The following OXCT1 variants were observed in gnomAD, a reference collection of about 807,000 sequenced individuals.
OXCT1 encodes the protein 3-oxoacid CoA-transferase 1, also known as succinyl-CoA:3-ketoacid coenzyme A transferase 1, mitochondrial.
Under a neutral mutation model 69.6 loss-of-function variants are expected in OXCT1, and 27 were observed. That is an observed-to-expected ratio of 0.39 (90% CI 0.29 to 0.54). The LOEUF (loss-of-function observed/expected upper bound fraction) is 0.54, where lower values mean the gene tolerates loss of function less well. OXCT1 is among the 20% of genes least tolerant of loss of function. The probability of loss-of-function intolerance (pLI) is 0.72; values close to 1 mark genes in which losing one functional copy is unlikely to be tolerated. For missense variants in OXCT1, 437 were observed against 650.2 expected (o/e 0.67, Z 3.57); for synonymous variants, 202 against 217.8 (o/e 0.93, Z 0.64).
intron 7 of OXCT1, among the ~76,000 whole-genome samples, chr5:41,835,478 C>T (rs1435352072): frequency 1.3e-5 from 2 of 152,196 alleles, no homozygotes; most frequent in Non-Finnish European, 2.9e-5. Flanking sequence ...CCATTAACCT[C>T]TAATTCTTAT....
chr5:41,813,911 CATTAGCTTTCTTTTATATGTACT>C (rs1430750692), intron 7 of OXCT1, among the ~76,000 whole-genome samples: 1 of 152,082 alleles, frequency 6.6e-6, no homozygotes, highest in Non-Finnish European at 1.5e-5. Context: ...TTCATCTGAT[CATTAGCTTTCTTTTATATGTACT>C]ATTAACTATA....
intron 9 of OXCT1, among the ~76,000 whole-genome samples, chr5:41,803,747 A>G (rs1162337926): frequency 1.3e-5 from 2 of 152,112 alleles, no homozygotes; most frequent in Non-Finnish European, 2.9e-5. Context: ...AGCAAATACA[A>G]TTGAGCTCAT....
intron 13 of OXCT1, among the ~76,000 whole-genome samples, chr5:41,792,248 G>C (rs1195766939): frequency 6.6e-6 from 1 of 152,126 alleles, no homozygotes; most frequent in Non-Finnish European, 1.5e-5. Context: ...TTTTACAGAT[G>C]AGGAAAAATA....
intron 13 of OXCT1, among the ~76,000 whole-genome samples, chr5:41,766,255 G>A (rs1298416967): frequency 1.3e-5 from 2 of 152,094 alleles, no homozygotes; most frequent in South Asian, 4.1e-4. Flanking sequence ...AATAAAATGA[G>A]CTAGCAATGC....
At chr5:41,822,405 G>T (rs955495163) in intron 7 of OXCT1, among the ~76,000 whole-genome samples, 2 of 152,086 alleles carry the variant, frequency 1.3e-5, no homozygotes, top group Non-Finnish European at 2.9e-5. Context: ...TTATGGACTA[G>T]CCCTCTTTAT....
chr5:41,838,752 G>C (rs1218089562), intron 7 of OXCT1, among the ~76,000 whole-genome samples: 2 of 151,972 alleles, frequency 1.3e-5, no homozygotes, highest in East Asian at 3.9e-4. Context: ...CAGCTCCTGG[G>C]TAGCTGGGAC....
intron 7 of OXCT1, among the ~76,000 whole-genome samples, chr5:41,840,238 A>G (rs1032745137): frequency 3.3e-5 from 5 of 152,172 alleles, no homozygotes; most frequent in Non-Finnish European, 2.9e-5. Flanking sequence ...TCCCAAAGAG[A>G]GCATTCTAGT....
chr5:41,781,353 TA>T (rs1033374987), intron 13 of OXCT1, among the ~76,000 whole-genome samples: 10 of 151,280 alleles, frequency 6.6e-5, no homozygotes, highest in African/African-American at 2.4e-4. Flanking sequence ...TTTTGTTGAA[TA>T]AAAGCTATGC....
intron 1 of OXCT1, among the ~76,000 whole-genome samples, chr5:41,866,384 G>C (rs1400669229): frequency 6.6e-6 from 1 of 152,164 alleles, no homozygotes; most frequent in African/African-American, 2.4e-5. Flanking sequence ...CACATGAGGT[G>C]ATATTTATTT....
chr5:41,821,505 T>C (rs1350100895), intron 7 of OXCT1, among the ~76,000 whole-genome samples: 2 of 152,076 alleles, frequency 1.3e-5, no homozygotes, highest in Non-Finnish European at 2.9e-5. Context: ...TTGGTAAGAG[T>C]TTGTTTATTT....
intron 12 of OXCT1, 22 bp from the exon 13 acceptor site, chr5:41,794,100 T>C (rs770814999): frequency 1.3e-6 from 2 of 1,576,932 alleles, no homozygotes; most frequent in Non-Finnish European, 1.7e-6. Context: ...AGAGGAAGAA[T>C]AAAGTGAACC....
In OXCT1 at chr5:41,848,533, A is replaced by G. The variant is rs1338056311; in HGVS notation, c.564+1497T>C. Among the ~76,000 whole-genome samples, 18 of 145,526 alleles carry G rather than the reference A, an allele frequency of 1.2e-4. 1 individual carries two copies. Among genetic ancestry groups the G allele is most frequent in the Non-Finnish European group, 2.6e-4 (17 of 65,032 alleles). ...GCATCACACTACCTGACTTCAAACT[A>G]TACTACAAGGCTACAGTAACCAAAA... On this transcript the variant is annotated intron_variant, in intron 5 of 16. Transcript: ENST00000196371.
Position 41,796,366 on chromosome 5 carries a change from T to C in OXCT1, c.1100-1617A>G, listed in dbSNP as rs116888413. 6.0e-4 allele frequency among the ~76,000 whole-genome samples: 92 copies of C among 152,192 alleles called. 2 individuals are homozygous for C. In the East Asian group the frequency reaches 0.017, roughly 28 times the overall value. ...AGTCACCTGTTTTGAGAACACCCCATGCATGGCCTCAGTATAATAGGGCAG... is the reference window on the plus strand; with the variant it reads ...AGTCACCTGTTTTGAGAACACCCCACGCATGGCCTCAGTATAATAGGGCAG... On this transcript the variant is annotated intron_variant, in intron 11 of 16. Transcript: ENST00000196371.
At chr5:41,819,371 G>C (rs137898421) in intron 7 of OXCT1, among the ~76,000 whole-genome samples, 1 of 151,366 alleles carries the variant, frequency 6.6e-6, no homozygotes, top group African/African-American at 2.4e-5. Context: ...CCTTTTTTGG[G>C]GGGGATTGGG....
chr5:41,740,932 A>G (rs532920227), intron 15 of OXCT1, among the ~76,000 whole-genome samples: 1 of 149,098 alleles, frequency 6.7e-6, no homozygotes, highest in South Asian at 2.1e-4. Flanking sequence ...AAATTCAACT[A>G]TTATTTGCAG....
At chr5:41,736,344 C>T (rs936736702) in intron 16 of OXCT1, among the ~76,000 whole-genome samples, 3 of 152,148 alleles carry the variant, frequency 2.0e-5, no homozygotes, top group Non-Finnish European at 2.9e-5. Context: ...TACTGCCCTC[C>T]GATGGAAAAC....
chr5:41,801,576 A>C (rs1370546334), intron 10 of OXCT1, among the ~76,000 whole-genome samples: 1 of 152,096 alleles, frequency 6.6e-6, no homozygotes, highest in Non-Finnish European at 1.5e-5. Flanking sequence ...CTATGCAGCC[A>C]ATGTTATTCA....
intron 13 of OXCT1, among the ~76,000 whole-genome samples, chr5:41,785,628 C>A (rs544272177): frequency 6.6e-6 from 1 of 152,262 alleles, no homozygotes; most frequent in South Asian, 2.1e-4. Context: ...TAGATGAGAT[C>A]TTGCTGTCTC....
At chr5:41,781,327 G>T (rs1311737399) in intron 13 of OXCT1, among the ~76,000 whole-genome samples, 1 of 151,842 alleles carries the variant, frequency 6.6e-6, no homozygotes, top group Non-Finnish European at 1.5e-5. Flanking sequence ...AATACAAAAA[G>T]AAAACAAAAT....
Sources: allele counts gnomAD v4.1 joint callset (sites outside exome capture counted in the v4.1 genomes callset), GRCh38; gene constraint gnomAD v4.1.1; transcripts MANE v1.5; gene names NCBI Gene and HGNC (gene_info 2026-07-23, HGNC 2026-07-21).